The following PLAT variants were observed in gnomAD, a reference collection of about 807,000 sequenced individuals.
PLAT encodes the protein plasminogen activator, tissue type, also known as tissue-type plasminogen activator.
In PLAT, 48 loss-of-function variants were observed where a neutral mutation model predicts 74.9. That is an observed-to-expected ratio of 0.64 (90% CI 0.51 to 0.82). The LOEUF (loss-of-function observed/expected upper bound fraction) is 0.82. PLAT is among the 40% of genes least tolerant of loss of function. The pLI is 0.00. For synonymous variants in PLAT, 307 were observed against 294.4 expected (o/e 1.04, Z -0.44); for missense variants, 673 against 736.2 (o/e 0.91, Z 0.99).
At chr8:42,185,009 G>A in intron 7 of PLAT, 72 bp downstream of exon 7, 1 of 971,660 alleles carries the variant, frequency 1.0e-6, no homozygotes, top group Non-Finnish European at 1.5e-6. Flanking sequence ...GTGCAGGAGG[G>A]CTATCGGCCT....
chr8:42,192,115 C>T (rs906158174), intron 2 of PLAT, among the ~76,000 whole-genome samples: 13 of 151,640 alleles, frequency 8.6e-5, no homozygotes, highest in Non-Finnish European at 1.6e-4. Context: ...GCGATCCTCC[C>T]GCCTCAGCCT....
chr8:42,178,940 G>A lies in PLAT; in HGVS notation c.1487C>T (p.Thr496Ile). 6.2e-7 allele frequency: 1 copy of A among 1,614,040 alleles called. No individual in the cohort carries two copies. Among genetic ancestry groups the A allele is most frequent in the South Asian group, 1.1e-5 (1 of 91,072 alleles). ...GTTTGCCTGGGGCCCGCCGCTCCGA[G>A]TGTCTCCAGCACACAGCATGTTGTC... is the stretch of plus-strand genomic sequence containing the variant. ...VTDNMLCAGD[T>I]RSGGPQANLH... Residue 496 changes from threonine (T) to isoleucine (I), a missense_variant, in exon 13 of 14, where the codon ACT becomes ATT. Coordinates refer to ENST00000220809, the MANE Select transcript of PLAT (RefSeq NM_000930.5).
chr8:42,195,477 C>T (rs1587941605), intron 1 of PLAT, among the ~76,000 whole-genome samples: 2 of 152,250 alleles, frequency 1.3e-5, no homozygotes, highest in East Asian at 1.9e-4. Context: ...CCTTTGAGCC[C>T]GCAGTGCCCA....
At chr8:42,177,633 C>T (rs1322887285) in intron 13 of PLAT, among the ~76,000 whole-genome samples, 1 of 152,180 alleles carries the variant, frequency 6.6e-6, no homozygotes, top group African/African-American at 2.4e-5. Context: ...TGGAAGACAT[C>T]TAGTAAAACT....
Position 42,176,151 on chromosome 8 carries a change from C to T in PLAT, c.1531G>A (p.Gly511Ser), listed in dbSNP as rs1285013525. Residue 511 changes from glycine (G) to serine (S), a missense_variant and splice_region_variant, in exon 14 of 14, where the codon GGC (glycine) becomes AGC (serine). Transcript: ENST00000220809. ...PQANLHDACQ[G>S]DSGGPLVCLN... is the part of the protein sequence containing the mutation. ...CACACCAGGGGGCCTCCCGAATCGC[C>T]CTGCAAAGGAGATAGCAGGTTTGGC... is the stretch of plus-strand genomic sequence containing the variant. 6.2e-7 allele frequency: 1 copy of T among 1,612,378 alleles called. No homozygotes were observed. The highest frequency in any genetic ancestry group is 1.3e-5 in the African/African-American group (1 of 74,856).
intron 1 of PLAT, among the ~76,000 whole-genome samples, chr8:42,206,279 G>GGAGCTTTTA (rs2129842208): frequency 6.6e-6 from 1 of 152,262 alleles, no homozygotes; most frequent in East Asian, 1.9e-4. Flanking sequence ...TGGAATAAAT[G>GGAGCTTTTA]GGTGGGCAGG....
chr8:42,178,715 G>T (rs1805077935), intron 13 of PLAT, among the ~76,000 whole-genome samples, 182 bp downstream of exon 13: 1 of 152,250 alleles, frequency 6.6e-6, no homozygotes, highest in Non-Finnish European at 1.5e-5. Context: ...TTAGGTTTAG[G>T]TGACTTTGAT....
intron 1 of PLAT, among the ~76,000 whole-genome samples, chr8:42,200,044 C>T (rs570970327): frequency 5.3e-5 from 8 of 152,140 alleles, no homozygotes; most frequent in Non-Finnish European, 1.2e-4. Flanking sequence ...ATGACTTTAC[C>T]CACATTTTAC....
chr8:42,187,167 CATCT>C (rs1054763531), intron 6 of PLAT: 25 of 422,704 alleles, frequency 5.9e-5, no homozygotes, highest in East Asian at 2.0e-4. Context: ...GTCTATTTAT[CATCT>C]ATCTATCATG....
intron 1 of PLAT, among the ~76,000 whole-genome samples, chr8:42,204,630 G>C (rs1412766795): frequency 2.0e-5 from 3 of 151,120 alleles, no homozygotes; most frequent in South Asian, 2.1e-4. Context: ...CAGGAAAATC[G>C]CTTGAACCTG....
Position 42,181,950 on chromosome 8 carries a change from A to G in PLAT, c.876T>C (p.Asp292=), listed in dbSNP as rs1805257801. The G allele has an allele frequency of 6.2e-7, 1 of 1,609,794 alleles. No individual in the cohort carries two copies. Among genetic ancestry groups the G allele is most frequent in the African/African-American group, 1.3e-5 (1 of 74,852 alleles). ...KNRRLTWEYC[D]VPSCSTCGLR... is the part of the protein sequence containing the mutation. ...CCCAGCCCTTACAGCAGGAGGGCAC[A>G]TCACAGTACTCCCACGTCAGCCTGC... Residue 292 remains aspartate (D), a synonymous_variant, in exon 9 of 14, where the codon GAT becomes GAC. Coordinates refer to ENST00000220809, the MANE Select transcript of PLAT (RefSeq NM_000930.5).
chr8:42,180,582 C>T lies in PLAT; in HGVS notation c.993G>A (p.Lys331=). 2.5e-6 allele frequency: 4 copies of T among 1,613,788 alleles called. No individual in the cohort carries two copies. Among genetic ancestry groups the T allele is most frequent in the African/African-American group, 2.7e-5 (2 of 75,058 alleles). Residue 331 remains lysine, a synonymous_variant, in exon 10 of 14, where the codon AAG becomes AAA. Coordinates refer to ENST00000220809, the MANE Select transcript of PLAT (RefSeq NM_000930.5). ...SHPWQAAIFA[K]HRRSPGERFL... ...ACCGCTCTCCGGGCGACCTCCTGTG[C>T]TTGGCAAAGATGGCAGCCTGCCAGG...
chr8:42,189,177 C>T (rs1405104697), intron 3 of PLAT, 106 bp from the exon 4 acceptor site: 2 of 1,077,556 alleles, frequency 1.9e-6, no homozygotes, highest in Middle Eastern at 4.1e-4. Context: ...TCTATAGACT[C>T]CATTGCATAC....
At chr8:42,188,228 A>C (rs944603004) in intron 4 of PLAT, 3 of 481,344 alleles carry the variant, frequency 6.2e-6, no homozygotes, top group Non-Finnish European at 1.1e-5. Flanking sequence ...AGGTCAGACA[A>C]GTGTTGTTCA....
chr8:42,191,100 A>C (rs1264765247), intron 3 of PLAT, among the ~76,000 whole-genome samples: 1 of 151,694 alleles, frequency 6.6e-6, no homozygotes, highest in Non-Finnish European at 1.5e-5. Flanking sequence ...CGCCCCCCCC[A>C]GCCCCCGCTA....
chr8:42,193,715 C>CTTTTTT (rs59602216), intron 1 of PLAT: 1 of 147,416 alleles, frequency 6.8e-6, no homozygotes, highest in Non-Finnish European at 1.5e-5. Context: ...GTAGCATGTC[C>CTTTTTT]TTTTTTTTTT....
At chr8:42,187,325 G>T (rs937475712) in intron 6 of PLAT, 73 bp downstream of exon 6, 1 of 1,351,376 alleles carries the variant, frequency 7.4e-7, no homozygotes, top group Non-Finnish European at 1.0e-6. Context: ...AACCCTGACG[G>T]ATCTGACAGA....
intron 1 of PLAT, among the ~76,000 whole-genome samples, chr8:42,203,734 G>GCCTCA (rs1746723603): frequency 6.6e-6 from 1 of 152,104 alleles, no homozygotes; most frequent in African/African-American, 2.4e-5. Context: ...TGAGGCCATG[G>GCCTCA]CAAGAGGGTT....
At chr8:42,187,249 T>G (rs1027844147) in intron 6 of PLAT, 149 bp downstream of exon 6, 1 of 577,388 alleles carries the variant, frequency 1.7e-6, no homozygotes, top group Non-Finnish European at 3.0e-6. Flanking sequence ...ATCTATCACC[T>G]ATCATCTATT....
Sources: allele counts gnomAD v4.1 joint callset (sites outside exome capture counted in the v4.1 genomes callset), GRCh38; gene constraint gnomAD v4.1.1; transcripts MANE v1.5; gene names NCBI Gene and HGNC (gene_info 2026-07-23, HGNC 2026-07-21).